FRYL: variants seen among roughly 807,000 people sequenced by gnomAD.
The protein encoded by FRYL is FRY like transcription coactivator, also known as protein furry homolog-like.
In FRYL, 150 loss-of-function variants were observed where a neutral mutation model predicts 351.2. The ratio of observed to expected loss-of-function variants is 0.43; its 90% CI spans 0.37 to 0.49. The LOEUF is 0.49. Among genes scored for constraint, FRYL ranks in the 20% least tolerant of loss-of-function variants. The pLI is 0.00. For synonymous variants in FRYL, 1,153 were observed against 1,257.1 expected (o/e 0.92, Z 1.75); for missense variants, 3,036 against 3,619.3 (o/e 0.84, Z 4.13).
At chr4:48,682,147 GAA>G (rs1329337573) in intron 3 of FRYL, among the ~76,000 whole-genome samples, 1 of 152,154 alleles carries the variant, frequency 6.6e-6, no homozygotes, top group African/African-American at 2.4e-5. Flanking sequence ...TTCACTTAGT[GAA>G]ACACAATACA....
chr4:48,675,442 G>A (rs531793963), intron 3 of FRYL, among the ~76,000 whole-genome samples: 33 of 152,380 alleles, frequency 2.2e-4, no homozygotes, highest in African/African-American at 7.9e-4. Context: ...GGAGCAGACG[G>A]CCAGCCCTGC....
chr4:48,675,496 C>T lies in FRYL; in HGVS notation c.-81+9177G>A, dbSNP rs535781884. On this transcript the variant is annotated intron_variant, in intron 3 of 63. Coordinates refer to ENST00000358350, the MANE Select transcript of FRYL (RefSeq NM_015030.2). ...GACTTAGCACCCGGGCCAGCGGCTG[C>T]GGAGGGTGTACTGGGTCCCCCAGCA... Among the ~76,000 whole-genome samples the T allele has an allele frequency of 7.2e-5, 11 of 152,318 alleles. No homozygotes were observed. The East Asian group carries it at 1.9e-3, about 27-fold the overall frequency.
chr4:48,764,858 TCCC>T (rs1251990593), intron 1 of FRYL, among the ~76,000 whole-genome samples: 1 of 152,198 alleles, frequency 6.6e-6, no homozygotes, highest in East Asian at 1.9e-4. Context: ...GATTTTTTTT[TCCC>T]CGAGATGAAG....
intron 24 of FRYL, 21 bp from the exon 25 acceptor site, chr4:48,575,262 T>C (rs767976358): frequency 1.9e-6 from 3 of 1,611,386 alleles, no homozygotes; most frequent in Middle Eastern, 1.7e-4. Flanking sequence ...AATATCGTAT[T>C]TGTAACAGCC....
At chr4:48,661,797 T>C (rs1312892609) in intron 3 of FRYL, among the ~76,000 whole-genome samples, 1 of 152,116 alleles carries the variant, frequency 6.6e-6, no homozygotes, top group Non-Finnish European at 1.5e-5. Context: ...GATGACAGAA[T>C]TGATAGGTTC....
chr4:48,712,110 G>A (rs548477962), intron 1 of FRYL, among the ~76,000 whole-genome samples: 4 of 152,112 alleles, frequency 2.6e-5, no homozygotes, highest in African/African-American at 9.7e-5. Flanking sequence ...AAACCACAAA[G>A]ATGGGGAAAA....
At chr4:48,591,880 A>T (rs1743321449) in intron 16 of FRYL, among the ~76,000 whole-genome samples, 1 of 151,732 alleles carries the variant, frequency 6.6e-6, no homozygotes, top group Non-Finnish European at 1.5e-5. Context: ...GACATGTTCA[A>T]ACCAAATGCA....
At chr4:48,552,153 AC>A (rs201156671) in intron 36 of FRYL, among the ~76,000 whole-genome samples, 4 of 149,982 alleles carry the variant, frequency 2.7e-5, no homozygotes, top group African/African-American at 4.9e-5. Context: ...TTGAGACTGC[AC>A]CCCCCCCAAC....
Position 48,651,289 on chromosome 4 carries a change from C to CTGTGTGTGTG in FRYL, c.-80-16809_-80-16800dup, listed in dbSNP as rs59845967. On this transcript the variant is annotated intron_variant, in intron 3 of 63. Transcript: ENST00000358350. ...GTAGAAACAGGATCTCAGGATCTCA[C>CTGTGTGTGTG]TGTGTGTGTGTGTGTGTGTGTGTGT... 5.9e-4 allele frequency among the ~76,000 whole-genome samples: 37 copies of CTGTGTGTGTG among 62,408 alleles called. 2 individuals are homozygous for CTGTGTGTGTG. Among genetic ancestry groups the CTGTGTGTGTG allele is most frequent in the East Asian group, 9.7e-4 (2 of 2,064 alleles). The allele number at this position is 62,408 out of a possible 152,430, so 40.9% of individuals were successfully genotyped here. A position where few individuals can be genotyped will look rare whatever the true frequency, so the allele number is the denominator to read the frequency against.
intron 24 of FRYL, 117 bp downstream of exon 24, chr4:48,575,913 G>A: frequency 2.5e-6 from 2 of 812,280 alleles, no homozygotes; most frequent in South Asian, 4.6e-5. Flanking sequence ...CTTTTTGCAA[G>A]TAAGTAACAC....
intron 3 of FRYL, among the ~76,000 whole-genome samples, chr4:48,667,542 A>C (rs1446820957): frequency 6.6e-6 from 1 of 152,124 alleles, no homozygotes; most frequent in Non-Finnish European, 1.5e-5. Context: ...GTAGGATCTC[A>C]AATCAAATTA....
In FRYL at chr4:48,737,322, T is replaced by C. The variant is rs190290011; in HGVS notation, c.-383-26624A>G. On this transcript the variant is annotated intron_variant, in intron 1 of 63. Transcript: ENST00000358350. ...ACCAATAGTACAGATTCCATAAACA[T>C]TAAAAGAATAATTAAGGAATACTAT... Among the ~76,000 whole-genome samples, 323 of 148,986 alleles carry C rather than the reference T, an allele frequency of 2.2e-3. 2 individuals are homozygous for C. The highest frequency in any genetic ancestry group is 6.3e-3 in the African/African-American group (254 of 40,634).
intron 2 of FRYL, among the ~76,000 whole-genome samples, chr4:48,687,515 G>GGGGGGGGGGGA (rs1765272654): frequency 8.5e-6 from 1 of 118,028 alleles, no homozygotes; most frequent in Non-Finnish European, 1.8e-5. Context: ...GGTGAGGGGG[G>GGGGGGGGGGGA]AGGGGGGCGG....
intron 57 of FRYL, among the ~76,000 whole-genome samples, chr4:48,511,246 CA>C (rs1431755436): frequency 1.3e-5 from 2 of 151,900 alleles, no homozygotes; most frequent in African/African-American, 4.8e-5. Context: ...ATTTTTTCAT[CA>C]GGGGGCAGAC....
intron 3 of FRYL, among the ~76,000 whole-genome samples, chr4:48,665,597 A>G (rs1761569603): frequency 1.3e-5 from 2 of 152,210 alleles, no homozygotes; most frequent in Non-Finnish European, 2.9e-5. Flanking sequence ...TTCACTGACA[A>G]TACAGGTTAT....
At chr4:48,689,797 C>G (rs1436631109) in intron 2 of FRYL, among the ~76,000 whole-genome samples, 1 of 152,106 alleles carries the variant, frequency 6.6e-6, no homozygotes, top group Non-Finnish European at 1.5e-5. Context: ...CCTCCTAATC[C>G]AACCATTAAT....
At chr4:48,666,968 G>T (rs1208883227) in intron 3 of FRYL, among the ~76,000 whole-genome samples, 2 of 152,074 alleles carry the variant, frequency 1.3e-5, no homozygotes, top group African/African-American at 4.8e-5. Context: ...AATTATTTTG[G>T]ATTGTTTAAC....
intron 1 of FRYL, among the ~76,000 whole-genome samples, chr4:48,770,531 G>A (rs1195855763): frequency 1.6e-4 from 25 of 151,796 alleles, no homozygotes; most frequent in African/African-American, 5.6e-4. Context: ...TCCGCCTCCC[G>A]GATTCAAGTG....
At chr4:48,599,283 A>G (rs985205400) in intron 13 of FRYL, among the ~76,000 whole-genome samples, 13 of 152,196 alleles carry the variant, frequency 8.5e-5, no homozygotes, top group Non-Finnish European at 1.5e-5. Context: ...ATCACTTTTC[A>G]CACAAGCACC....
Sources: allele counts gnomAD v4.1 joint callset (sites outside exome capture counted in the v4.1 genomes callset), GRCh38; gene constraint gnomAD v4.1.1; transcripts MANE v1.5; gene names NCBI Gene and HGNC (gene_info 2026-07-23, HGNC 2026-07-21).